Variants in EPHA5 observed in about 807,000 individuals in gnomAD.
The protein encoded by EPHA5 is ephrin type-A receptor 5.
In EPHA5, 60 loss-of-function variants were observed where a neutral mutation model predicts 105.0. The observed-to-expected ratio is 0.57, with a 90% CI of 0.46 to 0.71. EPHA5 has a LOEUF of 0.71. EPHA5 is among the 30% of genes least tolerant of loss of function. EPHA5 has a pLI of 0.00. For synonymous variants in EPHA5, 513 were observed against 449.1 expected (o/e 1.14, Z -1.80); for missense variants, 1,218 against 1,274.7 (o/e 0.96, Z 0.68).
intron 3 of EPHA5, among the ~76,000 whole-genome samples, chr4:65,555,790 G>C (rs935702813): frequency 7.1e-6 from 1 of 141,054 alleles, no homozygotes; most frequent in Admixed American, 6.8e-5. Flanking sequence ...TATTCAGACT[G>C]TCAAGTAGGA....
intron 3 of EPHA5, among the ~76,000 whole-genome samples, chr4:65,537,685 G>A (rs1487609848): frequency 6.6e-6 from 1 of 151,548 alleles, no homozygotes; most frequent in Non-Finnish European, 1.5e-5. Flanking sequence ...TTATATAGAA[G>A]GATTGAGAAA....
chr4:65,653,758 AG>A (rs1381031265), intron 1 of EPHA5, among the ~76,000 whole-genome samples: 1 of 152,130 alleles, frequency 6.6e-6, no homozygotes, highest in Non-Finnish European at 1.5e-5. Flanking sequence ...GTAAAATAAA[AG>A]AAATAATTAA....
chr4:65,416,156 A>G (rs1307563033), intron 6 of EPHA5, among the ~76,000 whole-genome samples: 2 of 152,138 alleles, frequency 1.3e-5, no homozygotes, highest in Non-Finnish European at 2.9e-5. Context: ...AAATCTAGTC[A>G]GAATTTAAGT....
chr4:65,630,442 G>A (rs1422544593), intron 2 of EPHA5, among the ~76,000 whole-genome samples: 2 of 152,186 alleles, frequency 1.3e-5, no homozygotes, highest in Non-Finnish European at 2.9e-5. Context: ...GCCAGTGCAT[G>A]TGGACAGCCA....
At chr4:65,375,317 C>A (rs563353561) in intron 8 of EPHA5, among the ~76,000 whole-genome samples, 1 of 151,734 alleles carries the variant, frequency 6.6e-6, no homozygotes, top group African/African-American at 2.4e-5. Context: ...CACACACAGG[C>A]AAATACACAT....
chr4:65,613,008 G>A lies in EPHA5; in HGVS notation c.247-10704C>T, dbSNP rs562427944. ...TTTGCTTAGGATTTTATAGTTTCAGGTCATACATTTAAATCTATAATCCAT... is the reference window on the plus strand; with the variant it reads ...TTTGCTTAGGATTTTATAGTTTCAGATCATACATTTAAATCTATAATCCAT... On this transcript the variant is annotated intron_variant, in intron 2 of 16. Coordinates refer to ENST00000613740, the MANE Select transcript of EPHA5 (RefSeq NM_001281766.3). Among the ~76,000 whole-genome samples, 12 of 152,100 alleles carry A rather than the reference G, an allele frequency of 7.9e-5. No homozygotes were observed. The South Asian group carries it at 2.5e-3, about 32-fold the overall frequency.
At chr4:65,357,208 T>C (rs1012488547) in intron 11 of EPHA5, among the ~76,000 whole-genome samples, 3 of 151,422 alleles carry the variant, frequency 2.0e-5, no homozygotes, top group South Asian at 2.1e-4. Flanking sequence ...ATTCTATAAC[T>C]GTGATATTAT....
intron 11 of EPHA5, among the ~76,000 whole-genome samples, chr4:65,363,922 T>C (rs1717590562): frequency 6.6e-6 from 1 of 151,582 alleles, no homozygotes; most frequent in South Asian, 2.1e-4. Context: ...CATTAAAGAA[T>C]ATCCTCATTA....
intron 5 of EPHA5, among the ~76,000 whole-genome samples, chr4:65,456,897 C>T (rs1198062855): frequency 1.3e-5 from 2 of 151,992 alleles, no homozygotes; most frequent in Non-Finnish European, 2.9e-5. Context: ...AATTAAAGTG[C>T]TTAGTGCCTG....
At chr4:65,438,369 T>G (rs1475985938) in intron 5 of EPHA5, among the ~76,000 whole-genome samples, 1 of 151,832 alleles carries the variant, frequency 6.6e-6, no homozygotes, top group African/African-American at 2.4e-5. Context: ...ATTTAATTGT[T>G]GGAAATATAC....
At chr4:65,471,598 T>G (rs1216925346) in intron 5 of EPHA5, among the ~76,000 whole-genome samples, 2 of 152,152 alleles carry the variant, frequency 1.3e-5, no homozygotes, top group Non-Finnish European at 2.9e-5. Flanking sequence ...TGGGAAGGTC[T>G]CAGGAAACTT....
intron 3 of EPHA5, among the ~76,000 whole-genome samples, chr4:65,561,188 T>A (rs573824724): frequency 8.4e-4 from 124 of 147,504 alleles, no homozygotes; most frequent in African/African-American, 2.9e-3. Flanking sequence ...ACACAAACAT[T>A]AAAAAAAAAA....
At chr4:65,465,503 G>A (rs1728569493) in intron 5 of EPHA5, among the ~76,000 whole-genome samples, 1 of 97,510 alleles carries the variant, frequency 1.0e-5, no homozygotes, top group Admixed American at 1.2e-4. Flanking sequence ...AAGAAAGAAA[G>A]AAAGAAAGAA....
In EPHA5 at chr4:65,330,837, C is replaced by T. The variant is rs1242486648; in HGVS notation, c.2945+1136G>A. ...ATCAAGTAGATATGATCTGGTGGAC[C>T]GTGAGAATGAGATTCAGTAAATTTA... On this transcript the variant is annotated intron_variant, in intron 16 of 16. Transcript: ENST00000613740. 9.7e-6 allele frequency: 10 copies of T among 1,031,806 alleles called. No homozygotes were observed. In the East Asian group the frequency reaches 1.8e-4, roughly 19 times the overall value. The allele number at this position is 1,031,806 out of a possible 1,614,324, so 63.9% of individuals were successfully genotyped here.
intron 8 of EPHA5, among the ~76,000 whole-genome samples, chr4:65,390,075 C>G (rs1313429737): frequency 6.6e-6 from 1 of 151,946 alleles, no homozygotes; most frequent in Non-Finnish European, 1.5e-5. Flanking sequence ...TATATATTTT[C>G]TCTGTCTGTA....
chr4:65,545,693 G>A (rs1416733690), intron 3 of EPHA5, among the ~76,000 whole-genome samples: 3 of 152,014 alleles, frequency 2.0e-5, no homozygotes, highest in South Asian at 2.1e-4. Flanking sequence ...TGAACATTAG[G>A]TGATATTCTA....
chr4:65,507,357 T>G (rs1034824051), intron 3 of EPHA5, among the ~76,000 whole-genome samples: 1 of 152,182 alleles, frequency 6.6e-6, no homozygotes, highest in Non-Finnish European at 1.5e-5. Context: ...CAGGCTCTTT[T>G]TTGGTTCCAT....
chr4:65,427,413 C>T (rs1318821818), intron 5 of EPHA5, among the ~76,000 whole-genome samples: 2 of 151,982 alleles, frequency 1.3e-5, no homozygotes, highest in African/African-American at 2.4e-5. Flanking sequence ...CGACTCCTGA[C>T]CTCATGATCC....
chr4:65,403,805 C>T (rs1722089553), intron 8 of EPHA5, among the ~76,000 whole-genome samples: 1 of 151,996 alleles, frequency 6.6e-6, no homozygotes, highest in Non-Finnish European at 1.5e-5. Flanking sequence ...ATACAATTCA[C>T]TTCAAATCAG....
Sources: gnomAD v4.1 joint callset for allele counts (sites outside exome capture counted in the v4.1 genomes callset) on GRCh38, gnomAD v4.1.1 for gene constraint, MANE v1.5 for transcripts, NCBI Gene and HGNC (gene_info 2026-07-23, HGNC 2026-07-21) for gene names.